Variants in RBM20 observed in about 807,000 individuals in gnomAD.
RBM20 encodes RNA-binding protein 20.
In RBM20, 51 loss-of-function variants were observed where a neutral mutation model predicts 110.1. The observed-to-expected ratio is 0.46, with a 90% CI of 0.37 to 0.59. The LOEUF (loss-of-function observed/expected upper bound fraction) is 0.59. Ranked by LOEUF, RBM20 falls within the 20% of genes least tolerant of loss-of-function variation. The pLI is 0.00. For synonymous variants in RBM20, 589 were observed against 618.2 expected, an observed-to-expected ratio of 0.95 and a Z score of 0.70; for missense variants, 1,512 against 1,574.9, an observed-to-expected ratio of 0.96 and a Z score of 0.68.
At position 110,833,390 on chromosome 10, in the gene RBM20, GAA is replaced by G. The variant is rs56842641; in HGVS notation, c.3573+2223_3573+2224del. 9.0e-4 allele frequency among the ~76,000 whole-genome samples: 56 copies of G among 62,218 alleles called. 2 individuals carry two copies. In the East Asian group the frequency reaches 0.01, roughly 11 times the overall value. The allele number at this position is 62,218 out of a possible 152,430, so 40.8% of individuals were successfully genotyped here. ...GGTGACGGAGCGAAACTCTGTCTCA[GAA>G]AAAAAAAAAAAAAAGAAATGCAGCT... On this transcript the variant is annotated intron_variant, in intron 13 of 13. Coordinates refer to ENST00000369519, the MANE Select transcript of RBM20 (RefSeq NM_001134363.3).
At chr10:110,725,820 T>C (rs1190606678) in intron 1 of RBM20, among the ~76,000 whole-genome samples, 1 of 152,158 alleles carries the variant, frequency 6.6e-6, no homozygotes, top group African/African-American at 2.4e-5. Context: ...GGCGTGTGTA[T>C]AGGAAGCTGA....
intron 1 of RBM20, among the ~76,000 whole-genome samples, chr10:110,778,755 C>A (rs1249198769): frequency 6.6e-6 from 1 of 152,238 alleles, no homozygotes; most frequent in Non-Finnish European, 1.5e-5. Context: ...AAAATGTGGT[C>A]TTAACCAAAG....
chr10:110,758,011 GTTCT>G (rs1843943032), intron 1 of RBM20, among the ~76,000 whole-genome samples: 1 of 55,300 alleles, frequency 1.8e-5, no homozygotes, highest in African/African-American at 6.9e-5. Flanking sequence ...CAAGATCCTT[GTTCT>G]TTTTTTTTTT....
At chr10:110,775,578 A>G (rs1844250647) in intron 1 of RBM20, among the ~76,000 whole-genome samples, 1 of 152,066 alleles carries the variant, frequency 6.6e-6, no homozygotes, top group South Asian at 2.1e-4. Context: ...TCCCATCCCC[A>G]TGCCTGCTGC....
At chr10:110,728,247 G>A (rs1402447939) in intron 1 of RBM20, among the ~76,000 whole-genome samples, 3 of 152,000 alleles carry the variant, frequency 2.0e-5, no homozygotes, top group Admixed American at 2.0e-4. Context: ...ACAGCTGTGT[G>A]GCTGGCCTAG....
chr10:110,765,521 C>CCAAG (rs1420269291), intron 1 of RBM20, among the ~76,000 whole-genome samples: 3 of 152,032 alleles, frequency 2.0e-5, no homozygotes, highest in South Asian at 2.1e-4. Context: ...TTCATTGTCG[C>CCAAG]CAAGCAAGCA....
intron 1 of RBM20, among the ~76,000 whole-genome samples, chr10:110,729,541 G>A (rs947141): frequency 6.6e-6 from 1 of 152,080 alleles, no homozygotes; most frequent in Non-Finnish European, 1.5e-5. Flanking sequence ...GCTATGAGCC[G>A]CAGGAGGGCA....
intron 1 of RBM20, among the ~76,000 whole-genome samples, chr10:110,704,565 G>A (rs1310411676): frequency 6.6e-6 from 1 of 152,230 alleles, no homozygotes; most frequent in Admixed American, 6.5e-5. Flanking sequence ...CATTGTATTA[G>A]TATTTGTTAA....
intron 1 of RBM20, among the ~76,000 whole-genome samples, chr10:110,680,498 T>C (rs1200637552): frequency 2.0e-5 from 3 of 152,192 alleles, no homozygotes; most frequent in Admixed American, 2.0e-4. Context: ...TCTCCAAGTC[T>C]CATCTGTTCT....
intron 1 of RBM20, among the ~76,000 whole-genome samples, chr10:110,758,014 C>CTTTTTTTTTTTTTTTTTTTTTTTTTT (rs760246427): frequency 2.5e-5 from 2 of 79,910 alleles, no homozygotes; most frequent in African/African-American, 1.0e-4. Context: ...GATCCTTGTT[C>CTTTTTTTTTTTTTTTTTTTTTTTTTT]TTTTTTTTTT....
chr10:110,658,830 C>T (rs1273337512), intron 1 of RBM20, among the ~76,000 whole-genome samples: 3 of 152,128 alleles, frequency 2.0e-5, no homozygotes, highest in Admixed American at 6.5e-5. Context: ...TCAACTAGAA[C>T]ATTCTGAATT....
In RBM20 at chr10:110,766,318, T is replaced by TTTTTTG. The variant is rs372616749; in HGVS notation, c.192-14478_192-14477insGTTTTT. 4.3e-3 allele frequency among the ~76,000 whole-genome samples: 645 copies of TTTTTTG among 149,266 alleles called. 7 individuals carry two copies. The highest frequency in any genetic ancestry group is 0.015 in the African/African-American group (600 of 40,496). On this transcript the variant is annotated intron_variant, in intron 1 of 13. Coordinates refer to ENST00000369519, the MANE Select transcript of RBM20 (RefSeq NM_001134363.3). ...CTCTACTCTGCAGTAACTTTGTTTT[T>TTTTTTG]TTTTTTGTTTTTTGTTTTTTGTTTT...
At chr10:110,714,300 AAAAGGTT>A (rs1174791829) in intron 1 of RBM20, among the ~76,000 whole-genome samples, 1 of 152,172 alleles carries the variant, frequency 6.6e-6, no homozygotes, top group African/African-American at 2.4e-5. Flanking sequence ...GAGGTCAATG[AAAAGGTT>A]GTGTAAAGGA....
chr10:110,831,163 T>A lies in RBM20; in HGVS notation c.3554T>A (p.Val1185Asp). The stretch of plus-strand genomic sequence containing the variant: ...AAGATGAGCCACTGCCGCAGCGCTG[T>A]CCACTACAGGAACTTACAGGTAAAA... Reference protein sequence around the residue: ...TAKMSHCRSAVHYRNLQKYLS... With the variant: ...TAKMSHCRSADHYRNLQKYLS... The change falls in exon 13 of 14, where the codon GTC (valine) becomes GAC (aspartate). Residue 1185 changes from valine to aspartate, a missense_variant. Coordinates refer to ENST00000369519, the MANE Select transcript of RBM20 (RefSeq NM_001134363.3). 1 of 1,551,572 alleles carries A rather than the reference T, an allele frequency of 6.4e-7. No homozygotes were observed. Among genetic ancestry groups the A allele is most frequent in the Non-Finnish European group, 8.7e-7 (1 of 1,146,888 alleles).
chr10:110,697,765 C>G (rs1862687528), intron 1 of RBM20, among the ~76,000 whole-genome samples: 2 of 152,168 alleles, frequency 1.3e-5, no homozygotes, highest in South Asian at 4.1e-4. Context: ...TCACCTCTTC[C>G]AAGAAGTCTT....
chr10:110,778,367 C>T (rs75451197), intron 1 of RBM20, among the ~76,000 whole-genome samples: 2,626 of 152,330 alleles, frequency 0.017, 69 homozygotes, highest in African/African-American at 0.059. Context: ...TTTGTACTTA[C>T]ATTTAAATGT....
At chr10:110,696,978 C>G (rs1017835866) in intron 1 of RBM20, among the ~76,000 whole-genome samples, 13 of 152,198 alleles carry the variant, frequency 8.5e-5, no homozygotes, top group Non-Finnish European at 1.0e-4. Flanking sequence ...CCAAAGGCAA[C>G]CCCCATTCTT....
intron 1 of RBM20, among the ~76,000 whole-genome samples, chr10:110,726,552 A>G (rs1024584122): frequency 6.6e-6 from 1 of 152,228 alleles, no homozygotes; most frequent in Non-Finnish European, 1.5e-5. Flanking sequence ...ATGGCCCTCT[A>G]AGCTACTCAG....
chr10:110,781,475 G>T lies in RBM20; in HGVS notation c.866G>T (p.Gly289Val), dbSNP rs749284302. The part of the protein sequence containing the change: ...SKDFYGPNSQ[G>V]SHVASGFPAE... The stretch of plus-strand genomic sequence containing the variant: ...GATTTTTACGGACCCAACTCCCAAG[G>T]TTCACATGTGGCCAGCGGATTTCCA... Residue 289 changes from glycine to valine, a missense_variant, in exon 2 of 14, where the codon GGT becomes GTT. By Grantham distance (109) the Gly-to-Val change is moderately radical. Coordinates refer to ENST00000369519, the MANE Select transcript of RBM20 (RefSeq NM_001134363.3). The T allele has an allele frequency of 6.4e-7, 1 of 1,551,570 alleles. No individual in the cohort carries two copies. The highest frequency in any genetic ancestry group is 8.7e-7 in the Non-Finnish European group (1 of 1,146,998).
Sources: gnomAD v4.1 joint callset for allele counts (sites outside exome capture counted in the v4.1 genomes callset) on GRCh38, gnomAD v4.1.1 for gene constraint, MANE v1.5 for transcripts, NCBI Gene and HGNC (gene_info 2026-07-23, HGNC 2026-07-21) for gene names.